Variants in ADAMTS18 observed in about 807,000 individuals in gnomAD.
ADAMTS18 encodes A disintegrin and metalloproteinase with thrombospondin motifs 18.
In ADAMTS18, 157 loss-of-function variants were observed where a neutral mutation model predicts 165.9. The observed-to-expected ratio is 0.95, with a 90% CI of 0.83 to 1.08. ADAMTS18 has a LOEUF of 1.08. Ranked by LOEUF, ADAMTS18 falls within the 50% of genes least tolerant of loss-of-function variation. The probability of loss-of-function intolerance (pLI) is 0.00; values close to 1 mark genes in which losing one functional copy is unlikely to be tolerated. For synonymous variants in ADAMTS18, 782 were observed against 578.2 expected (o/e 1.35, Z -5.06); for missense variants, 2,040 against 1,534.0 (o/e 1.33, Z -5.51).
intron 3 of ADAMTS18, among the ~76,000 whole-genome samples, chr16:77,389,100 G>C (rs1414905672): frequency 6.6e-6 from 1 of 152,168 alleles, no homozygotes; most frequent in Non-Finnish European, 1.5e-5. Context: ...AGGAGTCTGA[G>C]AGCAGCCTGG....
At chr16:77,364,649 G>A (rs1336380114) in intron 4 of ADAMTS18, among the ~76,000 whole-genome samples, 1 of 148,360 alleles carries the variant, frequency 6.7e-6, no homozygotes, top group African/African-American at 2.5e-5. Context: ...TGGATGGATG[G>A]TGGATGGATA....
At chr16:77,302,471 A>G (rs1436459385) in intron 16 of ADAMTS18, among the ~76,000 whole-genome samples, 2 of 152,224 alleles carry the variant, frequency 1.3e-5, no homozygotes, top group African/African-American at 4.8e-5. Flanking sequence ...CCCACAAGGC[A>G]GAATGGTATT....
intron 6 of ADAMTS18, 47 bp from the exon 7 acceptor site, chr16:77,362,311 G>A: frequency 6.3e-7 from 1 of 1,599,636 alleles, no homozygotes; most frequent in East Asian, 2.2e-5. Context: ...TCACAGAGAT[G>A]AGAATGCTGA....
intron 22 of ADAMTS18, 70 bp downstream of exon 22, chr16:77,289,194 C>G (rs183683819): frequency 1.3e-5 from 20 of 1,579,494 alleles, no homozygotes; most frequent in Middle Eastern, 3.3e-4. Flanking sequence ...GGCTGCACTA[C>G]TAACAAAGTA....
At chr16:77,425,486 T>C (rs1391198345) in intron 3 of ADAMTS18, among the ~76,000 whole-genome samples, 2 of 152,190 alleles carry the variant, frequency 1.3e-5, no homozygotes, top group Non-Finnish European at 2.9e-5. Flanking sequence ...ACTGAAGTTA[T>C]TCATCAGTGG....
rs527534262 is a variant in ADAMTS18, at chr16:77,282,906, C to CTCTTTTTTTTTTT, written c.*1049_*1050insAAAAAAAAAAAGA. ...CCACTGTTTACTCCTTTCTTTCTCT[C>CTCTTTTTTTTTTT]TTTTTTTTTTTTTTTTTTTTGCTGT... On this transcript the variant is annotated 3_prime_UTR_variant, in exon 23 of 23. Transcript: ENST00000282849. 7.7e-5 allele frequency: 6 copies of CTCTTTTTTTTTTT among 77,562 alleles called. 1 individual carries two copies. The highest frequency in any genetic ancestry group is 1.2e-4 in the African/African-American group (3 of 24,660). The allele number at this position is 77,562 out of a possible 1,614,324, so 4.8% of individuals were successfully genotyped here.
rs116132666 is a variant in ADAMTS18, at chr16:77,364,510, G to A, written c.779-129C>T. The A allele has an allele frequency of 1.3e-3, 1,296 of 1,010,090 alleles. 14 individuals are homozygous for A. The African/African-American group carries it at 0.016, about 13-fold the overall frequency. 62.6% of individuals were successfully genotyped at this position (1,010,090 alleles called of 1,614,324 possible). A position where few individuals can be genotyped will look rare whatever the true frequency, so the allele number is the denominator to read the frequency against. On this transcript the variant is annotated intron_variant, in intron 4 of 22. Transcript: ENST00000282849. ...ACACACCACCAATCCACTAACAAGTGATGCTATCAGTGCCTGCCCAGGTGC... is the reference window on the plus strand; with the variant it reads ...ACACACCACCAATCCACTAACAAGTAATGCTATCAGTGCCTGCCCAGGTGC...
At chr16:77,408,945 C>G (rs550621652) in intron 3 of ADAMTS18, among the ~76,000 whole-genome samples, 1 of 152,024 alleles carries the variant, frequency 6.6e-6, no homozygotes. Flanking sequence ...AGTCACATAA[C>G]TTTTAATACA....
intron 3 of ADAMTS18, among the ~76,000 whole-genome samples, chr16:77,382,979 A>G (rs748902659): frequency 2.6e-5 from 4 of 152,200 alleles, no homozygotes; most frequent in Non-Finnish European, 4.4e-5. Context: ...TTGTGATCCA[A>G]TGTTGTGTTC....
chr16:77,353,647 T>C, intron 10 of ADAMTS18, 86 bp downstream of exon 10: 1 of 1,597,958 alleles, frequency 6.3e-7, no homozygotes, highest in Non-Finnish European at 8.6e-7. Context: ...CCCTTGGCCT[T>C]GGCAAACCAA....
Position 77,359,421 on chromosome 16 carries a change from A to C in ADAMTS18, c.1219T>G (p.Phe407Val), listed in dbSNP as rs1567510967. Residue 407 changes from phenylalanine to valine, a missense_variant and splice_region_variant, in exon 8 of 23, where the codon TTT (phenylalanine) becomes GTT (valine). By Grantham distance (50) the Phe-to-Val change is conservative (BLOSUM62 -1). Transcript: ENST00000282849. ...GAGCACATTCCACTGATGGGGGCAAACCCTATTGAAAGAGCAGTTTCAAAT... is the reference window on the plus strand; with the variant it reads ...GAGCACATTCCACTGATGGGGGCAACCCCTATTGAAAGAGCAGTTTCAAAT... ...WKNEPCDTLG[F>V]APISGMCSKY... The C allele has an allele frequency of 1.2e-6, 2 of 1,613,126 alleles. No homozygotes were observed. Among genetic ancestry groups the C allele is most frequent in the Non-Finnish European group, 1.7e-6 (2 of 1,179,668 alleles).
chr16:77,348,286 A>C (rs894095852), intron 10 of ADAMTS18, among the ~76,000 whole-genome samples: 1 of 152,198 alleles, frequency 6.6e-6, no homozygotes, highest in African/African-American at 2.4e-5. Flanking sequence ...TAACCTTATT[A>C]CTGATAATCA....
At chr16:77,378,608 G>C (rs2056987623) in intron 3 of ADAMTS18, among the ~76,000 whole-genome samples, 1 of 151,992 alleles carries the variant, frequency 6.6e-6, no homozygotes, top group African/African-American at 2.4e-5. Flanking sequence ...CCAGCTACTT[G>C]GGAGGTTGAG....
At chr16:77,420,308 C>T (rs901820277) in intron 3 of ADAMTS18, among the ~76,000 whole-genome samples, 5 of 152,076 alleles carry the variant, frequency 3.3e-5, no homozygotes, top group Admixed American at 2.6e-4. Flanking sequence ...GTGACACCAC[C>T]ATGTCTAAGA....
At chr16:77,367,021 G>T (rs868425197) in intron 4 of ADAMTS18, among the ~76,000 whole-genome samples, 1 of 152,108 alleles carries the variant, frequency 6.6e-6, no homozygotes, top group African/African-American at 2.4e-5. Context: ...CCATGCTCAA[G>T]GATACCTGTG....
intron 3 of ADAMTS18, 71 bp from the exon 4 acceptor site, chr16:77,367,794 A>G (rs2056820682): frequency 1.3e-6 from 2 of 1,567,414 alleles, no homozygotes; most frequent in African/African-American, 1.3e-5. Flanking sequence ...GTTTTCAACA[A>G]CTGCTTCTGA....
intron 3 of ADAMTS18, among the ~76,000 whole-genome samples, chr16:77,400,336 C>A (rs2057309450): frequency 6.6e-6 from 1 of 151,942 alleles, no homozygotes; most frequent in Non-Finnish European, 1.5e-5. Flanking sequence ...CTCCAGCCAT[C>A]CTTTGGGGAT....
chr16:77,389,572 G>A (rs1188672422), intron 3 of ADAMTS18, among the ~76,000 whole-genome samples: 1 of 152,178 alleles, frequency 6.6e-6, no homozygotes, highest in African/African-American at 2.4e-5. Context: ...AGGGTAGTCA[G>A]TTTCTTACCA....
At chr16:77,352,943 C>CA (rs2056576736) in intron 10 of ADAMTS18, among the ~76,000 whole-genome samples, 1 of 151,870 alleles carries the variant, frequency 6.6e-6, no homozygotes, top group South Asian at 2.1e-4. Context: ...GAAAAAAACA[C>CA]AAAAAATTAG....
Sources: allele counts gnomAD v4.1 joint callset (sites outside exome capture counted in the v4.1 genomes callset), GRCh38; gene constraint gnomAD v4.1.1; transcripts MANE v1.5; gene names NCBI Gene and HGNC (gene_info 2026-07-23, HGNC 2026-07-21).